The following NEK1 variants were observed in gnomAD, a reference collection of about 807,000 sequenced individuals.
NEK1 encodes the protein NIMA related kinase 1.
NEK1 carries 137 observed loss-of-function variants against 182.1 expected under a neutral mutation model. That is an observed-to-expected ratio of 0.75 (90% CI 0.65 to 0.87). NEK1 has a LOEUF of 0.87. NEK1 is among the 40% of genes least tolerant of loss of function. NEK1 has a pLI of 0.00. For missense variants in NEK1, 1,391 were observed against 1,494.4 expected (o/e 0.93, Z 1.14); for synonymous variants, 513 against 492.2 (o/e 1.04, Z -0.56).
intron 3 of NEK1, 138 bp downstream of exon 3, chr4:169,602,376 T>A: frequency 1.6e-6 from 1 of 632,882 alleles, no homozygotes. Flanking sequence ...TATAGGCTAT[T>A]CTGATATTAG....
intron 19 of NEK1, among the ~76,000 whole-genome samples, chr4:169,521,110 T>A (rs1160974545): frequency 1.3e-5 from 1 of 74,170 alleles, no homozygotes; most frequent in African/African-American, 5.2e-5. Context: ...CCCAGCCTCG[T>A]TGCCGCCTTG....
intron 26 of NEK1, 56 bp downstream of exon 26, chr4:169,477,068 A>AT: frequency 8.3e-7 from 1 of 1,202,248 alleles, no homozygotes; most frequent in Non-Finnish European, 1.2e-6. Context: ...TGGTTAGTCT[A>AT]TAAGTTTACA....
intron 27 of NEK1, among the ~76,000 whole-genome samples, chr4:169,442,068 A>G (rs962493512): frequency 2.6e-5 from 4 of 152,052 alleles, no homozygotes; most frequent in Non-Finnish European, 4.4e-5. Flanking sequence ...CTGATGATGG[A>G]CCCAGGGACT....
intron 12 of NEK1, among the ~76,000 whole-genome samples, chr4:169,575,426 G>T (rs904879420): frequency 3.3e-5 from 5 of 152,186 alleles, no homozygotes; most frequent in African/African-American, 1.2e-4. Context: ...TCCTGTTACT[G>T]CAGCAAGTGG....
intron 26 of NEK1, among the ~76,000 whole-genome samples, chr4:169,474,146 A>T (rs1009381030): frequency 1.3e-5 from 2 of 152,176 alleles, no homozygotes; most frequent in Non-Finnish European, 2.9e-5. Context: ...GATGGAAAAG[A>T]AAGAGCTTGG....
chr4:169,513,033 T>C (rs1012135144), intron 19 of NEK1, among the ~76,000 whole-genome samples: 17 of 152,184 alleles, frequency 1.1e-4, no homozygotes, highest in African/African-American at 3.6e-4. Context: ...GGAAGAGTTA[T>C]TCTTCCCAAG....
chr4:169,570,188 C>T (rs1161493739), intron 12 of NEK1, among the ~76,000 whole-genome samples: 4 of 151,036 alleles, frequency 2.6e-5, no homozygotes, highest in African/African-American at 9.8e-5. Context: ...GCTGCGACCC[C>T]GTCTGGGAGG....
intron 19 of NEK1, among the ~76,000 whole-genome samples, chr4:169,526,475 AGG>A (rs1189117151): frequency 6.6e-6 from 1 of 152,214 alleles, no homozygotes; most frequent in African/African-American, 2.4e-5. Flanking sequence ...TGGGTGACAG[AGG>A]GAAACCCCGT....
At chr4:169,537,665 C>A in intron 19 of NEK1, 144 bp downstream of exon 19, 1 of 665,308 alleles carries the variant, frequency 1.5e-6, no homozygotes, top group Admixed American at 2.3e-5. Flanking sequence ...TTATACTCTG[C>A]AAATGACTTC....
intron 32 of NEK1, among the ~76,000 whole-genome samples, chr4:169,406,078 C>T (rs1466909319): frequency 1.3e-5 from 2 of 152,124 alleles, no homozygotes; most frequent in South Asian, 2.1e-4. Context: ...GCCTGGGTGA[C>T]AGAGCAAGAG....
intron 35 of NEK1, among the ~76,000 whole-genome samples, chr4:169,396,272 A>T (rs1333022561): frequency 6.9e-6 from 1 of 144,774 alleles, no homozygotes; most frequent in African/African-American, 2.5e-5. Context: ...AGGGTGAGAC[A>T]GGAGAATTGC....
chr4:169,414,039 T>C (rs1458651993), intron 31 of NEK1, among the ~76,000 whole-genome samples: 1 of 152,104 alleles, frequency 6.6e-6, no homozygotes, highest in Non-Finnish European at 1.5e-5. Flanking sequence ...ATTTGTCACA[T>C]AGGGTCACTG....
At chr4:169,418,813 G>A (rs544276598) in intron 31 of NEK1, among the ~76,000 whole-genome samples, 1 of 151,916 alleles carries the variant, frequency 6.6e-6, no homozygotes, top group Non-Finnish European at 1.5e-5. Context: ...TAGAGAGAGA[G>A]AAAAAATATT....
chr4:169,440,436 C>T (rs1477198623), intron 27 of NEK1, among the ~76,000 whole-genome samples: 1 of 152,024 alleles, frequency 6.6e-6, no homozygotes, highest in African/African-American at 2.4e-5. Context: ...AGAAATTATA[C>T]TATTATATTA....
intron 23 of NEK1, among the ~76,000 whole-genome samples, chr4:169,490,222 G>A (rs959133374): frequency 2.0e-5 from 3 of 152,036 alleles, no homozygotes; most frequent in Non-Finnish European, 4.4e-5. Flanking sequence ...CTACACTACC[G>A]TGCCTACCTG....
chr4:169,477,327 A>C lies in NEK1; in HGVS notation c.2231T>G (p.Leu744Ter). 2 of 1,576,804 alleles carry C rather than the reference A, an allele frequency of 1.3e-6. No homozygotes were observed. The highest frequency in any genetic ancestry group is 1.2e-5 in the South Asian group (1 of 86,428). ...TTCTTGAGCTTTAAGATTTTCATTT[A>C]ATCTACGAAGTATTTCTCGCTTACT... ...ISSKREILRR[L>*]NENLKAQEDE... Residue 744 changes from leucine (L) to a stop codon, truncating the protein, a stop_gained, in exon 26 of 36, where the codon TTA becomes TGA. Transcript: ENST00000507142. LOFTEE classifies it high-confidence loss of function.
intron 19 of NEK1, among the ~76,000 whole-genome samples, chr4:169,528,897 G>C (rs1166414091): frequency 1.3e-5 from 2 of 151,790 alleles, no homozygotes; most frequent in African/African-American, 4.8e-5. Context: ...AACGTAAAAG[G>C]ACTAACTGAA....
intron 31 of NEK1, among the ~76,000 whole-genome samples, chr4:169,421,829 G>C (rs1735532926): frequency 6.6e-6 from 1 of 152,118 alleles, no homozygotes; most frequent in Non-Finnish European, 1.5e-5. Flanking sequence ...TCTTCTCTCA[G>C]CAATTTATAG....
chr4:169,449,472 C>T (rs538495839), intron 27 of NEK1, among the ~76,000 whole-genome samples: 5 of 152,288 alleles, frequency 3.3e-5, no homozygotes, highest in Admixed American at 3.3e-4. Flanking sequence ...AAGGATCAGG[C>T]AGCAATATTT....
Sources: allele counts gnomAD v4.1 joint callset (sites outside exome capture counted in the v4.1 genomes callset), GRCh38; gene constraint gnomAD v4.1.1; transcripts MANE v1.5; gene names NCBI Gene and HGNC (gene_info 2026-07-23, HGNC 2026-07-21).